SCHIP1: variants seen among roughly 807,000 people sequenced by gnomAD.
The protein encoded by SCHIP1 is schwannomin-interacting protein 1.
SCHIP1 carries 8 observed loss-of-function variants against 29.7 expected under a neutral mutation model. The ratio of observed to expected loss-of-function variants is 0.27; its 90% confidence interval spans 0.16 to 0.49. The LOEUF is 0.49. Ranked by LOEUF, SCHIP1 falls within the 20% of genes least tolerant of loss-of-function variation. The probability of loss-of-function intolerance (pLI) is 0.99; values close to 1 mark genes in which losing one functional copy is unlikely to be tolerated. For synonymous variants in SCHIP1, 76 were observed against 94.9 expected, an observed-to-expected ratio of 0.80 and a Z score of 1.16; for missense variants, 193 against 294.6, an observed-to-expected ratio of 0.66 and a Z score of 2.52.
chr3:159,625,274 C>T, the SCHIP1 span, among the ~76,000 whole-genome samples: 1 of 152,172 alleles, frequency 6.6e-6, no homozygotes, highest in African/African-American at 2.4e-5. Flanking sequence ...ATACCAATCA[C>T]ACCTGCCTCC....
At chr3:159,407,887 T>C in the SCHIP1 span, among the ~76,000 whole-genome samples, 1 of 152,078 alleles carries the variant, frequency 6.6e-6, no homozygotes, top group East Asian at 1.9e-4. Context: ...GTGAAAGCAA[T>C]ACTAAGAGAA....
chr3:159,853,367 A>G (rs1712902228), intron 1 of SCHIP1: 2 of 686,564 alleles, frequency 2.9e-6, no homozygotes, highest in Non-Finnish European at 5.3e-6. Context: ...GTGAAATTCT[A>G]AAGAGTTAAA....
At chr3:159,784,679 C>T in the SCHIP1 span, among the ~76,000 whole-genome samples, 9,517 of 152,194 alleles carry the variant, frequency 0.063, 959 homozygotes, top group African/African-American at 0.21. Flanking sequence ...ATTTTGGAGA[C>T]GGAGTCTTGT....
At chr3:159,338,692 AG>A in the SCHIP1 span, among the ~76,000 whole-genome samples, 1 of 152,296 alleles carries the variant, frequency 6.6e-6, no homozygotes, top group South Asian at 2.1e-4. Flanking sequence ...GGCTTGAATC[AG>A]GCTGGTACCC....
At chr3:159,793,250 C>CTCTCTCTG in the SCHIP1 span, among the ~76,000 whole-genome samples, 1 of 152,084 alleles carries the variant, frequency 6.6e-6, no homozygotes, top group Admixed American at 6.6e-5. Flanking sequence ...CTGTCTCTGT[C>CTCTCTCTG]TCTCTCTGTC....
At chr3:159,465,324 TGTGTGTGTGTGTGTGTTTGTGTGC>T in the SCHIP1 span, among the ~76,000 whole-genome samples, 5 of 151,466 alleles carry the variant, frequency 3.3e-5, no homozygotes, top group Non-Finnish European at 5.9e-5. Flanking sequence ...ATTGTGTGTG[TGTGTGTGTGTGTGTGTTTGTGTGC>T]GTGTGTGTGT....
the SCHIP1 span, among the ~76,000 whole-genome samples, chr3:159,829,910 G>T: frequency 6.6e-6 from 1 of 152,280 alleles, no homozygotes; most frequent in Non-Finnish European, 1.5e-5. Context: ...ATGACCTATT[G>T]TAAGTTTGGG....
At chr3:159,276,874 C>G in the SCHIP1 span, among the ~76,000 whole-genome samples, 1 of 152,164 alleles carries the variant, frequency 6.6e-6, no homozygotes, top group Non-Finnish European at 1.5e-5. Flanking sequence ...AGAACAAGTA[C>G]ACATCCAGGC....
chr3:159,477,690 T>C, the SCHIP1 span, among the ~76,000 whole-genome samples: 7 of 152,174 alleles, frequency 4.6e-5, no homozygotes, highest in Non-Finnish European at 8.8e-5. Flanking sequence ...CCTTATCAAA[T>C]GTATGGTTTG....
At chr3:159,720,607 C>A in the SCHIP1 span, among the ~76,000 whole-genome samples, 580 of 151,448 alleles carry the variant, frequency 3.8e-3, 4 homozygotes, top group African/African-American at 0.014. Context: ...CTTTTTGAGG[C>A]AGAGTGTTAC....
chr3:159,736,316 G>C, the SCHIP1 span, among the ~76,000 whole-genome samples: 1 of 152,194 alleles, frequency 6.6e-6, no homozygotes, highest in Non-Finnish European at 1.5e-5. Context: ...AAGAGTTTTG[G>C]ATTGGCTGTG....
chr3:159,447,662 G>T, the SCHIP1 span, among the ~76,000 whole-genome samples: 1 of 152,176 alleles, frequency 6.6e-6, no homozygotes, highest in Non-Finnish European at 1.5e-5. Context: ...TACATTGTGA[G>T]ATTTAGTTTA....
At chr3:159,544,393 C>T in the SCHIP1 span, among the ~76,000 whole-genome samples, 1 of 151,996 alleles carries the variant, frequency 6.6e-6, no homozygotes, top group African/African-American at 2.4e-5. Flanking sequence ...AGAAGTGGAA[C>T]TGCTGAGTGG....
chr3:159,637,457 A>G, the SCHIP1 span, among the ~76,000 whole-genome samples: 1 of 151,430 alleles, frequency 6.6e-6, no homozygotes, highest in Non-Finnish European at 1.5e-5. Context: ...GGGAGATAGG[A>G]GTAACCAAGA....
chr3:159,273,764 C>A, the SCHIP1 span: 39 of 1,601,118 alleles, frequency 2.4e-5, no homozygotes, highest in Non-Finnish European at 3.3e-5. Context: ...TCTTTCAAAG[C>A]CAATTTGAAT....
At chr3:159,730,659 C>T in the SCHIP1 span, among the ~76,000 whole-genome samples, 1 of 152,114 alleles carries the variant, frequency 6.6e-6, no homozygotes, top group African/African-American at 2.4e-5. Flanking sequence ...ATTCCTTTGA[C>T]CTCTTCCCTT....
At chr3:159,835,452 A>T (rs1282273185), upstream of SCHIP1, among the ~76,000 whole-genome samples, 3 of 152,186 alleles carry the variant, frequency 2.0e-5, no homozygotes, top group Non-Finnish European at 4.4e-5. Context: ...TCAACAACTG[A>T]TATTTAATAA....
At chr3:159,806,631 C>T in the SCHIP1 span, among the ~76,000 whole-genome samples, 27 of 152,330 alleles carry the variant, frequency 1.8e-4, no homozygotes, top group Middle Eastern at 3.4e-3. Flanking sequence ...GAGCTGAAGG[C>T]GAGTTCTGGG....
At chr3:159,771,784 A>G in the SCHIP1 span, among the ~76,000 whole-genome samples, 1 of 151,674 alleles carries the variant, frequency 6.6e-6, no homozygotes, top group South Asian at 2.1e-4. Context: ...GGGGCTATCT[A>G]TGTGTATATA....
Sources: gnomAD v4.1 joint callset for allele counts (sites outside exome capture counted in the v4.1 genomes callset) on GRCh38, gnomAD v4.1.1 for gene constraint, MANE v1.5 for transcripts, NCBI Gene and HGNC (gene_info 2026-07-23, HGNC 2026-07-21) for gene names.